TOMM70: variants seen among roughly 807,000 people sequenced by gnomAD.
TOMM70 encodes the protein mitochondrial import receptor subunit TOM70.
TOMM70 carries 13 observed loss-of-function variants against 73.6 expected under a neutral mutation model. That is an observed-to-expected ratio of 0.18 (90% CI 0.11 to 0.28). The LOEUF (loss-of-function observed/expected upper bound fraction) is 0.28, where lower values mean the gene tolerates loss of function less well. Ranked by LOEUF, TOMM70 falls within the 10% of genes least tolerant of loss-of-function variation. The pLI is 1.00. For synonymous variants in TOMM70, 257 were observed against 271.2 expected (o/e 0.95, Z 0.51); for missense variants, 609 against 747.5 (o/e 0.81, Z 2.16).
At position 100,364,024 on chromosome 3, in the gene TOMM70, A is replaced by G. The variant is rs939559592; in HGVS notation, c.*1540T>C. Reference sequence around the variant, plus strand: ...ATGCTCCTTTACTCCCAACAGTGTAAACCATAATTATAATTCGTTCTTAAA... The same window carrying G: ...ATGCTCCTTTACTCCCAACAGTGTAGACCATAATTATAATTCGTTCTTAAA... On this transcript the variant is annotated 3_prime_UTR_variant, in exon 12 of 12. Transcript: ENST00000284320. The G allele has an allele frequency of 1.3e-5, 2 of 152,186 alleles. No individual in the cohort carries two copies. Among genetic ancestry groups the G allele is most frequent in the African/African-American group, 4.8e-5 (2 of 41,432 alleles). 9.4% of individuals were successfully genotyped at this position (152,186 alleles called of 1,614,324 possible).
At chr3:100,376,447 T>C (rs1197077159) in intron 6 of TOMM70, among the ~76,000 whole-genome samples, 1 of 146,160 alleles carries the variant, frequency 6.8e-6, no homozygotes, top group East Asian at 2.3e-4. Flanking sequence ...CACCGCAGAC[T>C]TGACCTCCCA....
intron 1 of TOMM70, among the ~76,000 whole-genome samples, chr3:100,390,808 AAC>A (rs1706750716): frequency 6.6e-6 from 1 of 151,816 alleles, no homozygotes; most frequent in Admixed American, 6.6e-5. Context: ...CAGCCTGGGA[AAC>A]AGAGGGAGAC....
rs1202700910 is a variant in TOMM70, at chr3:100,385,405, C to T, written c.625+813G>A. Among the ~76,000 whole-genome samples the T allele has an allele frequency of 3.3e-5, 5 of 152,206 alleles. No individual in the cohort carries two copies. In the East Asian group the frequency reaches 9.6e-4, roughly 29 times the overall value. On this transcript the variant is annotated intron_variant, in intron 3 of 11. Coordinates refer to ENST00000284320, the MANE Select transcript of TOMM70 (RefSeq NM_014820.5). ...TGCCACCACAAAACCTCAAATTTTG[C>T]TAAAATGTTCTCTAAAATACCCTCA...
At chr3:100,386,067 A>G (rs1706688639) in intron 3 of TOMM70, 151 bp downstream of exon 3, 1 of 767,786 alleles carries the variant, frequency 1.3e-6, no homozygotes, top group Non-Finnish European at 2.0e-6. Flanking sequence ...CAGCAATCTT[A>G]CTTTAAACTA....
chr3:100,365,542 G>A lies in TOMM70; in HGVS notation c.*22C>T. On this transcript the variant is annotated 3_prime_UTR_variant, in exon 12 of 12. Coordinates refer to ENST00000284320, the MANE Select transcript of TOMM70 (RefSeq NM_014820.5). ...GAGGGGGTAAACTTTTAAAAAGAGG[G>A]TCAGTCTGCTTTCCCCCTGTTTTAT... The A allele has an allele frequency of 6.2e-7, 1 of 1,613,936 alleles. No individual in the cohort carries two copies. Among genetic ancestry groups the A allele is most frequent in the Non-Finnish European group, 8.5e-7 (1 of 1,179,872 alleles).
chr3:100,377,686 C>A lies in TOMM70; in HGVS notation c.1092+19G>T, dbSNP rs376865946. Reference sequence around the variant, plus strand: ...CGCCTTCTATTTAATAATTTCTTCACACACATTTTTTAATGTACCTTCACA... The same window carrying A: ...CGCCTTCTATTTAATAATTTCTTCAAACACATTTTTTAATGTACCTTCACA... On this transcript the variant is annotated intron_variant, in intron 6 of 11. Coordinates refer to ENST00000284320, the MANE Select transcript of TOMM70 (RefSeq NM_014820.5). 2.2e-4 allele frequency: 357 copies of A among 1,592,464 alleles called. No individual in the cohort carries two copies. Among genetic ancestry groups the A allele is most frequent in the Admixed American group, 5.9e-4 (35 of 59,078 alleles).
intron 4 of TOMM70, among the ~76,000 whole-genome samples, chr3:100,384,006 G>A (rs1269206380): frequency 6.6e-6 from 1 of 152,124 alleles, no homozygotes; most frequent in African/African-American, 2.4e-5. Flanking sequence ...GTTAATAATA[G>A]CCTAAAACTA....
intron 5 of TOMM70, among the ~76,000 whole-genome samples, chr3:100,378,744 C>T (rs1043929830): frequency 3.9e-5 from 6 of 152,152 alleles, no homozygotes; most frequent in African/African-American, 1.2e-4. Flanking sequence ...CGGTGGCTCA[C>T]GCCTGTAATC....
intron 1 of TOMM70, among the ~76,000 whole-genome samples, chr3:100,394,025 G>T (rs751539828): frequency 7.2e-5 from 11 of 152,148 alleles, no homozygotes; most frequent in Non-Finnish European, 1.5e-4. Context: ...CTGGCAATAA[G>T]AAAACTATTA....
intron 4 of TOMM70, among the ~76,000 whole-genome samples, chr3:100,383,522 C>CAAA (rs61429707): frequency 1.5e-5 from 2 of 136,656 alleles, no homozygotes; most frequent in Non-Finnish European, 1.6e-5. Flanking sequence ...AAAAAACAAA[C>CAAA]AAAAAAAAAA....
chr3:100,398,616 A>G (rs1706850765), intron 1 of TOMM70, among the ~76,000 whole-genome samples: 2 of 152,196 alleles, frequency 1.3e-5, no homozygotes, highest in Admixed American at 1.3e-4. Flanking sequence ...TTTTAATAGC[A>G]GCAGTGAGCT....
chr3:100,386,728 T>C, intron 2 of TOMM70, 77 bp downstream of exon 2: 1 of 1,499,890 alleles, frequency 6.7e-7, no homozygotes, highest in South Asian at 1.3e-5. Context: ...ATTAGGTTTA[T>C]TTGAGTAGCT....
chr3:100,371,408 G>C (rs1297172218), intron 9 of TOMM70, among the ~76,000 whole-genome samples: 1 of 151,694 alleles, frequency 6.6e-6, no homozygotes, highest in Admixed American at 6.6e-5. Flanking sequence ...GGGATAACAG[G>C]TGTGCGCCAA....
intron 6 of TOMM70, 48 bp downstream of exon 6, chr3:100,377,657 G>T (rs1179198513): frequency 1.9e-6 from 3 of 1,559,210 alleles, no homozygotes; most frequent in Non-Finnish European, 2.6e-6. Flanking sequence ...ATAATGAAAG[G>T]CATCGCCTTC....
intron 5 of TOMM70, 116 bp from the exon 6 acceptor site, chr3:100,378,028 C>T (rs545544678): frequency 1.4e-4 from 113 of 792,532 alleles, no homozygotes; most frequent in African/African-American, 1.3e-3. Context: ...GGGCGGATCA[C>T]GAGGTCAGGC....
chr3:100,371,582 G>A (rs1043724706), intron 9 of TOMM70, among the ~76,000 whole-genome samples: 4 of 151,720 alleles, frequency 2.6e-5, no homozygotes, highest in Non-Finnish European at 4.4e-5. Flanking sequence ...ATAGTAATTT[G>A]TTATCGTTTC....
At position 100,386,763 on chromosome 3, in the gene TOMM70, A is replaced by G. The variant is rs1404695455; in HGVS notation, c.498+42T>C. ...TTTAACTGAAACTTTAAGCAAATAA[A>G]GAGAAAGAAAAGGAACAGAAGAAAC... is the stretch of plus-strand genomic sequence containing the variant. On this transcript the variant is annotated intron_variant, in intron 2 of 11. Transcript: ENST00000284320. The G allele has an allele frequency of 2.5e-6, 4 of 1,579,940 alleles. No homozygotes were observed. The African/African-American group carries it at 5.5e-5, about 22-fold the overall frequency.
At chr3:100,378,753 T>G (rs929808516) in intron 5 of TOMM70, among the ~76,000 whole-genome samples, 4 of 152,160 alleles carry the variant, frequency 2.6e-5, no homozygotes, top group Non-Finnish European at 5.9e-5. Context: ...ACGCCTGTAA[T>G]CCCAGCACTT....
At chr3:100,376,011 A>G (rs1278103168) in intron 6 of TOMM70, among the ~76,000 whole-genome samples, 1 of 152,140 alleles carries the variant, frequency 6.6e-6, no homozygotes, top group African/African-American at 2.4e-5. Flanking sequence ...CCAATTTTCC[A>G]CATCTTCAAA....
Sources: gnomAD v4.1 joint callset for allele counts (sites outside exome capture counted in the v4.1 genomes callset) on GRCh38, gnomAD v4.1.1 for gene constraint, MANE v1.5 for transcripts, NCBI Gene and HGNC (gene_info 2026-07-23, HGNC 2026-07-21) for gene names.